Variants in ADGRV1 observed in about 807,000 individuals in gnomAD.
ADGRV1 encodes the protein adhesion G protein-coupled receptor V1.
A neutral mutation model predicts 596.2 loss-of-function variants in ADGRV1; 359 were observed. The observed-to-expected ratio is 0.60, with a 90% CI of 0.55 to 0.66. ADGRV1 has a LOEUF of 0.66. Ranked by LOEUF, ADGRV1 falls within the 30% of genes least tolerant of loss-of-function variation. The pLI is 0.00. For missense variants in ADGRV1, 7,274 were observed against 7,575.6 expected (o/e 0.96, Z 1.48); for synonymous variants, 2,681 against 2,679.2 (o/e 1.00, Z -0.02).
At chr5:90,936,377 T>G (rs1230129039) in intron 83 of ADGRV1, among the ~76,000 whole-genome samples, 1 of 152,132 alleles carries the variant, frequency 6.6e-6, no homozygotes, top group East Asian at 1.9e-4. Flanking sequence ...TGTAAATATA[T>G]TTTTGCATCT....
intron 84 of ADGRV1, among the ~76,000 whole-genome samples, chr5:90,978,978 A>G (rs978731673): frequency 2.0e-5 from 3 of 152,172 alleles, no homozygotes; most frequent in Non-Finnish European, 4.4e-5. Context: ...TGTTTTGGGT[A>G]TTATATTCTG....
chr5:91,120,219 C>T (rs1793189405), intron 87 of ADGRV1, among the ~76,000 whole-genome samples: 1 of 152,186 alleles, frequency 6.6e-6, no homozygotes, highest in Admixed American at 6.5e-5. Context: ...AAAGGGGCAA[C>T]AGCTATGTGG....
At chr5:90,606,185 A>G (rs180762179) in intron 1 of ADGRV1, among the ~76,000 whole-genome samples, 2 of 152,308 alleles carry the variant, frequency 1.3e-5, no homozygotes, top group East Asian at 3.9e-4. Flanking sequence ...GTCTGTGCCT[A>G]TGCCATTGTC....
At chr5:91,146,365 G>A (rs1188547588) in intron 87 of ADGRV1, among the ~76,000 whole-genome samples, 2 of 152,148 alleles carry the variant, frequency 1.3e-5, no homozygotes, top group African/African-American at 4.8e-5. Context: ...GCGATGTCAG[G>A]AACAGCAATA....
At chr5:91,009,676 GT>G (rs1019090641) in intron 85 of ADGRV1, among the ~76,000 whole-genome samples, 29 of 151,662 alleles carry the variant, frequency 1.9e-4, no homozygotes, top group Admixed American at 7.2e-4. Flanking sequence ...TTCCATGTAA[GT>G]TTTTTTTCTA....
chr5:90,619,378 T>C (rs1039403486), intron 4 of ADGRV1, among the ~76,000 whole-genome samples, 197 bp downstream of exon 4: 5 of 152,168 alleles, frequency 3.3e-5, no homozygotes, highest in African/African-American at 9.7e-5. Context: ...TGAGGACGCT[T>C]GTATGATCGT....
At chr5:90,586,677 C>A (rs1348935386) in intron 1 of ADGRV1, among the ~76,000 whole-genome samples, 1 of 152,184 alleles carries the variant, frequency 6.6e-6, no homozygotes, top group African/African-American at 2.4e-5. Flanking sequence ...CTGTGAATTT[C>A]ATATTGCATC....
chr5:90,925,223 G>C (rs540625410), intron 83 of ADGRV1, among the ~76,000 whole-genome samples: 188 of 152,062 alleles, frequency 1.2e-3, no homozygotes, highest in African/African-American at 3.8e-3. Context: ...ACCTTGGGCA[G>C]TATGGCCATT....
At chr5:90,605,050 A>G (rs990756748) in intron 1 of ADGRV1, among the ~76,000 whole-genome samples, 18 of 152,138 alleles carry the variant, frequency 1.2e-4, no homozygotes, top group African/African-American at 4.3e-4. Context: ...CTGTTTTTTG[A>G]TGACTCATGC....
At chr5:90,911,229 G>A (rs926685959) in intron 83 of ADGRV1, among the ~76,000 whole-genome samples, 1 of 152,118 alleles carries the variant, frequency 6.6e-6, no homozygotes, top group African/African-American at 2.4e-5. Context: ...GGAAAAGGGG[G>A]TAGACAGCAT....
At chr5:91,142,679 A>T (rs372104666) in intron 87 of ADGRV1, among the ~76,000 whole-genome samples, 214 of 152,336 alleles carry the variant, frequency 1.4e-3, no homozygotes, top group African/African-American at 4.4e-3. Context: ...AATTTTTGAG[A>T]TAATTGTCCA....
intron 77 of ADGRV1, among the ~76,000 whole-genome samples, chr5:90,836,926 C>T (rs1047214420): frequency 6.6e-6 from 1 of 152,208 alleles, no homozygotes; most frequent in Non-Finnish European, 1.5e-5. Flanking sequence ...ACATACAATT[C>T]TCTTTTCCAG....
At chr5:90,603,229 C>G (rs918552617) in intron 1 of ADGRV1, among the ~76,000 whole-genome samples, 1 of 152,220 alleles carries the variant, frequency 6.6e-6, no homozygotes. Flanking sequence ...ACATTTTGTT[C>G]TTTCACATAC....
intron 85 of ADGRV1, among the ~76,000 whole-genome samples, chr5:91,034,909 C>T (rs1447642758): frequency 6.6e-6 from 1 of 152,128 alleles, no homozygotes; most frequent in Non-Finnish European, 1.5e-5. Context: ...CTTCAGCCTT[C>T]CCAGTAGGTA....
At chr5:90,656,796 A>G (rs954723943) in intron 20 of ADGRV1, among the ~76,000 whole-genome samples, 2 of 152,190 alleles carry the variant, frequency 1.3e-5, no homozygotes, top group African/African-American at 2.4e-5. Flanking sequence ...AAGATCTTAC[A>G]TAAATATCTT....
intron 85 of ADGRV1, among the ~76,000 whole-genome samples, chr5:91,028,209 T>C (rs1451202548): frequency 6.6e-6 from 1 of 152,040 alleles, no homozygotes; most frequent in Non-Finnish European, 1.5e-5. Context: ...AAAGAATTCC[T>C]ACCAAAATCC....
At chr5:90,614,397 A>T (rs914914052) in intron 1 of ADGRV1, among the ~76,000 whole-genome samples, 1 of 152,096 alleles carries the variant, frequency 6.6e-6, no homozygotes, top group African/African-American at 2.4e-5. Context: ...ACCAACCAAG[A>T]AATCAATTTA....
At chr5:91,001,519 C>G (rs1781855636) in intron 85 of ADGRV1, among the ~76,000 whole-genome samples, 1 of 151,906 alleles carries the variant, frequency 6.6e-6, no homozygotes, top group African/African-American at 2.4e-5. Flanking sequence ...TAGGCATACT[C>G]TTATTTATTC....
At chr5:90,577,169 G>A (rs1303103187) in intron 1 of ADGRV1, among the ~76,000 whole-genome samples, 1 of 152,134 alleles carries the variant, frequency 6.6e-6, no homozygotes, top group African/African-American at 2.4e-5. Flanking sequence ...TGCTTTTGGT[G>A]TTTTAGTCAT....
Sources: allele counts gnomAD v4.1 joint callset (sites outside exome capture counted in the v4.1 genomes callset), GRCh38; gene constraint gnomAD v4.1.1; transcripts MANE v1.5; gene names NCBI Gene and HGNC (gene_info 2026-07-23, HGNC 2026-07-21).